Variants in LAMA2 observed in about 807,000 individuals in gnomAD.
The protein encoded by LAMA2 is laminin subunit alpha 2.
Under a neutral mutation model 364.8 loss-of-function variants are expected in LAMA2, and 269 were observed. The observed-to-expected ratio is 0.74, with a 90% confidence interval of 0.67 to 0.82. The LOEUF is 0.82. LAMA2 is among the 40% of genes least tolerant of loss of function. The probability of loss-of-function intolerance (pLI) is 0.00; values close to 1 mark genes in which losing one functional copy is unlikely to be tolerated. For missense variants in LAMA2, 3,807 were observed against 3,873.2 expected (o/e 0.98, Z 0.45); for synonymous variants, 1,379 against 1,370.6 (o/e 1.01, Z -0.14).
chr6:129,471,870 T>C (rs940343247), intron 51 of LAMA2, among the ~76,000 whole-genome samples: 1 of 151,936 alleles, frequency 6.6e-6, no homozygotes, highest in Non-Finnish European at 1.5e-5. Flanking sequence ...TTTTAGTCCT[T>C]TTTTAATAAG....
At chr6:129,465,100 T>G in intron 50 of LAMA2, 45 bp from the exon 51 acceptor site, 1 of 1,521,764 alleles carries the variant, frequency 6.6e-7, no homozygotes, top group Non-Finnish European at 9.1e-7. Context: ...ACTCATATAC[T>G]TCTCTGTGTA....
At chr6:129,269,791 A>G (rs1010121460) in intron 16 of LAMA2, among the ~76,000 whole-genome samples, 4 of 152,158 alleles carry the variant, frequency 2.6e-5, no homozygotes, top group African/African-American at 9.7e-5. Flanking sequence ...CTTTCTTCAA[A>G]TGGATCCATG....
In LAMA2 at chr6:129,177,041, G is replaced by C. The variant is rs150493560; in HGVS notation, c.1307-665G>C. Among the ~76,000 whole-genome samples the C allele has an allele frequency of 2.3e-4, 35 of 151,826 alleles. 1 individual carries two copies. In the East Asian group the frequency reaches 6.6e-3, roughly 29 times the overall value. Reference sequence around the variant, plus strand: ...ATCTTTCTCCAGATTTTGAAGGTCTGTTAGTTGTATTCATTCATCCTGTAT... The same window carrying C: ...ATCTTTCTCCAGATTTTGAAGGTCTCTTAGTTGTATTCATTCATCCTGTAT... On this transcript the variant is annotated intron_variant, in intron 9 of 64. Transcript: ENST00000421865.
chr6:128,902,734 C>A (rs1777168250), intron 1 of LAMA2, among the ~76,000 whole-genome samples: 1 of 152,118 alleles, frequency 6.6e-6, no homozygotes, highest in African/African-American at 2.4e-5. Flanking sequence ...TCTTTGCCCA[C>A]TGCAGCCTTG....
At chr6:129,338,162 G>T (rs188583607) in intron 29 of LAMA2, among the ~76,000 whole-genome samples, 92 of 152,266 alleles carry the variant, frequency 6.0e-4, no homozygotes, top group African/African-American at 2.0e-3. Context: ...CTTATTTTTA[G>T]TAATGATTAT....
chr6:129,158,385 C>G, intron 8 of LAMA2: 3 of 1,613,968 alleles, frequency 1.9e-6, no homozygotes, highest in Non-Finnish European at 2.5e-6. Flanking sequence ...CCGTACTTCT[C>G]CATATCGGCC....
At chr6:129,267,748 C>G (rs1370474244) in intron 16 of LAMA2, among the ~76,000 whole-genome samples, 1 of 152,026 alleles carries the variant, frequency 6.6e-6, no homozygotes, top group East Asian at 1.9e-4. Context: ...TACATATTCA[C>G]CAGAGCTGCT....
chr6:129,228,810 A>C (rs747545402), intron 12 of LAMA2, among the ~76,000 whole-genome samples: 13 of 152,212 alleles, frequency 8.5e-5, no homozygotes, highest in Non-Finnish European at 1.8e-4. Context: ...CTGTGGCTCT[A>C]ACTGTCCTGA....
intron 48 of LAMA2, among the ~76,000 whole-genome samples, chr6:129,457,966 A>T (rs575288865): frequency 6.6e-6 from 1 of 152,210 alleles, no homozygotes; most frequent in African/African-American, 2.4e-5. Context: ...TCACCTCTCA[A>T]ATGCCCTGCC....
At chr6:128,939,816 ATC>A (rs1780049277) in intron 1 of LAMA2, among the ~76,000 whole-genome samples, 1 of 152,114 alleles carries the variant, frequency 6.6e-6, no homozygotes, top group African/African-American at 2.4e-5. Context: ...AGAAACAAGA[ATC>A]TCTCCTAGGC....
In LAMA2 at chr6:129,427,817, T is replaced by A; in HGVS notation, c.5931T>A (p.Ile1977=). 6.2e-7 allele frequency: 1 copy of A among 1,613,792 alleles called. No individual in the cohort carries two copies. Among genetic ancestry groups the A allele is most frequent in the Non-Finnish European group, 8.5e-7 (1 of 1,179,758 alleles). Residue 1977 remains isoleucine (I), a synonymous_variant, in exon 41 of 65, where the codon ATT becomes ATA. Transcript: ENST00000421865. The stretch of plus-strand genomic sequence containing the variant: ...GCTGTCTTCAGAAAAGCTTCAGGAT[T>A]CTTAACGAAGCCAAGAAGTTAGCAA... ...AKGCLQKSFR[I]LNEAKKLAND...
intron 12 of LAMA2, among the ~76,000 whole-genome samples, chr6:129,243,160 T>C (rs1785504994): frequency 6.6e-6 from 1 of 152,164 alleles, no homozygotes; most frequent in African/African-American, 2.4e-5. Context: ...CATTCTTACC[T>C]GATCAAACTC....
At position 129,250,067 on chromosome 6, in the gene LAMA2, G is replaced by A. The variant is rs1786060504; in HGVS notation, c.1783-45G>A. 1.1e-5 allele frequency: 12 copies of A among 1,097,418 alleles called. No individual in the cohort carries two copies. The East Asian group carries it at 2.6e-4, about 24-fold the overall frequency. 68.0% of individuals were successfully genotyped at this position (1,097,418 alleles called of 1,614,324 possible). ...ACAGTAAGTAAAATATGATTTAATAGCCCATCTCCTATCCCGTAATGATTA... is the reference window on the plus strand; with the variant it reads ...ACAGTAAGTAAAATATGATTTAATAACCCATCTCCTATCCCGTAATGATTA... On this transcript the variant is annotated intron_variant, in intron 12 of 64. Transcript: ENST00000421865.
chr6:128,997,799 GA>G (rs556887180), intron 1 of LAMA2, among the ~76,000 whole-genome samples: 8 of 150,786 alleles, frequency 5.3e-5, no homozygotes, highest in Non-Finnish European at 1.0e-4. Context: ...TGTCTCAAAA[GA>G]AAAAAAAAGT....
Position 129,173,849 on chromosome 6 carries a change from A to T in LAMA2, c.1307-3857A>T, listed in dbSNP as rs187258704. On this transcript the variant is annotated intron_variant, in intron 9 of 64. Transcript: ENST00000421865. ...TTCATTTGATTACGAGGGAAATACG[A>T]TGTATTTCTTCTCTGATTTTTCTTT... 4.3e-3 allele frequency among the ~76,000 whole-genome samples: 651 copies of T among 152,236 alleles called. 1 individual carries two copies. The highest frequency in any genetic ancestry group is 6.8e-3 in the Middle Eastern group (2 of 294).
chr6:129,374,101 C>G (rs7751045), intron 34 of LAMA2, among the ~76,000 whole-genome samples: 3,368 of 152,236 alleles, frequency 0.022, 126 homozygotes, highest in African/African-American at 0.077. Context: ...TTTATAATTA[C>G]AAATATATCT....
intron 27 of LAMA2, among the ~76,000 whole-genome samples, chr6:129,317,268 G>T (rs1387024025): frequency 6.6e-6 from 1 of 152,098 alleles, no homozygotes; most frequent in East Asian, 1.9e-4. Context: ...CATTCTATGA[G>T]AATATAGAAT....
intron 4 of LAMA2, among the ~76,000 whole-genome samples, chr6:129,116,766 A>G (rs1331936310): frequency 2.0e-5 from 3 of 152,118 alleles, no homozygotes; most frequent in Admixed American, 6.6e-5. Flanking sequence ...AAAGAAATTA[A>G]GGACTTGCAG....
chr6:129,355,843 T>G (rs1354054167), intron 32 of LAMA2, among the ~76,000 whole-genome samples: 2 of 152,140 alleles, frequency 1.3e-5, no homozygotes, highest in Non-Finnish European at 2.9e-5. Flanking sequence ...TTTGTGTATT[T>G]CAAAAACAGA....
Sources: allele counts gnomAD v4.1 joint callset (sites outside exome capture counted in the v4.1 genomes callset), GRCh38; gene constraint gnomAD v4.1.1; transcripts MANE v1.5; gene names NCBI Gene and HGNC (gene_info 2026-07-23, HGNC 2026-07-21).